The following TIAM1 variants were observed in gnomAD, a reference collection of about 807,000 sequenced individuals.
The protein encoded by TIAM1 is TIAM Rac1 associated GEF 1, also known as rho guanine nucleotide exchange factor TIAM1.
Under a neutral mutation model 163.5 loss-of-function variants are expected in TIAM1, and 65 were observed. The observed-to-expected ratio is 0.40, with a 90% CI of 0.33 to 0.49. The LOEUF (loss-of-function observed/expected upper bound fraction) is 0.49. Among genes scored for constraint, TIAM1 ranks in the 20% least tolerant of loss-of-function variants. The probability of loss-of-function intolerance (pLI) is 0.77; values close to 1 mark genes in which losing one functional copy is unlikely to be tolerated. For synonymous variants in TIAM1, 833 were observed against 810.1 expected (o/e 1.03, Z -0.48); for missense variants, 1,789 against 2,044.7 (o/e 0.87, Z 2.41).
At chr21:31,143,452 T>TTA (rs61145317) in intron 20 of TIAM1, among the ~76,000 whole-genome samples, 58,948 of 149,096 alleles carry the variant, frequency 0.4, 11,873 homozygotes, top group East Asian at 0.61. Context: ...TATATAATTT[T>TTA]TATATATATA....
At chr21:31,390,025 A>G (rs2076941901) in intron 2 of TIAM1, among the ~76,000 whole-genome samples, 1 of 152,204 alleles carries the variant, frequency 6.6e-6, no homozygotes, top group South Asian at 2.1e-4. Flanking sequence ...TTTTAAAGAT[A>G]TATTTTTAAA....
chr21:31,204,939 C>T (rs966523836), intron 11 of TIAM1, among the ~76,000 whole-genome samples: 3 of 152,186 alleles, frequency 2.0e-5, no homozygotes, highest in African/African-American at 7.2e-5. Context: ...TGCCATTCAC[C>T]GAACATGTCC....
intron 12 of TIAM1, among the ~76,000 whole-genome samples, chr21:31,197,539 C>CTTTTTTT (rs58141765): frequency 7.3e-5 from 9 of 123,252 alleles, no homozygotes; most frequent in East Asian, 5.4e-4. Flanking sequence ...CCGCGCCCGG[C>CTTTTTTT]TTTTTTTTTT....
intron 1 of TIAM1, among the ~76,000 whole-genome samples, chr21:31,472,330 C>T (rs766489804): frequency 3.9e-5 from 6 of 152,014 alleles, no homozygotes; most frequent in South Asian, 2.1e-4. Flanking sequence ...AGTTTGAGAC[C>T]GGCCTGGCCA....
chr21:31,156,939 T>C (rs2083654200), intron 16 of TIAM1, among the ~76,000 whole-genome samples: 2 of 152,250 alleles, frequency 1.3e-5, no homozygotes, highest in Non-Finnish European at 2.9e-5. Context: ...TGTCTGTTTT[T>C]CACAGAATTA....
At chr21:31,538,622 G>T (rs2048217243) in intron 1 of TIAM1, among the ~76,000 whole-genome samples, 1 of 152,164 alleles carries the variant, frequency 6.6e-6, no homozygotes, top group South Asian at 2.1e-4. Flanking sequence ...ACAGAATGCT[G>T]TCATCATTCA....
chr21:31,214,488 C>T (rs1237101969), intron 9 of TIAM1, among the ~76,000 whole-genome samples: 1 of 152,068 alleles, frequency 6.6e-6, no homozygotes, highest in Non-Finnish European at 1.5e-5. Context: ...AATCTGCTTG[C>T]TTTGTAATAC....
rs528190194 is a variant in TIAM1 at position 31,516,922 on chromosome 21, C to T, written c.-422+42005G>A. Reference sequence around the variant, plus strand: ...AAAATTAGCTGGGCGTGGTGGCGGGCGCCTGTAGTCCACCTACTTGGGAGG... The same window carrying T: ...AAAATTAGCTGGGCGTGGTGGCGGGTGCCTGTAGTCCACCTACTTGGGAGG... On this transcript the variant is annotated intron_variant, in intron 1 of 28. Transcript: ENST00000286827. Among the ~76,000 whole-genome samples, 11 of 150,950 alleles carry T rather than the reference C, an allele frequency of 7.3e-5. No individual in the cohort carries two copies. In the South Asian group the frequency reaches 2.1e-3, roughly 29 times the overall value.
chr21:31,493,575 G>C (rs1039139648), intron 1 of TIAM1, among the ~76,000 whole-genome samples: 1 of 152,156 alleles, frequency 6.6e-6, no homozygotes, highest in African/African-American at 2.4e-5. Context: ...TGGAGTGCAG[G>C]GTATGTATAG....
chr21:31,130,262 T>C lies in TIAM1; in HGVS notation c.3996A>G (p.Arg1332=). The C allele has an allele frequency of 6.2e-7, 1 of 1,614,094 alleles. No individual in the cohort carries two copies. Among genetic ancestry groups the C allele is most frequent in the Non-Finnish European group, 8.5e-7 (1 of 1,180,006 alleles). Residue 1332 remains arginine, a synonymous_variant, in exon 25 of 28, where the codon CGA becomes CGG. Transcript: ENST00000541036. The stretch of plus-strand genomic sequence containing the variant: ...GCAGCGCTTCCGTGGGGATCATGTG[T>C]CGAAATCTGAAGGGGTCCCAGTCCT... ...IYEDWDPFRF[R]HMIPTEALQV... is the part of the protein sequence containing the mutation.
chr21:31,278,247 T>C (rs2073392405), intron 2 of TIAM1, among the ~76,000 whole-genome samples: 1 of 152,164 alleles, frequency 6.6e-6, no homozygotes, highest in Non-Finnish European at 1.5e-5. Context: ...AAACATCAAA[T>C]TCAGAGAAAA....
rs866639703 is a variant in TIAM1, at chr21:31,213,280, G to A, written c.2217+118C>T. On this transcript the variant is annotated intron_variant, in intron 10 of 27. Transcript: ENST00000541036. ...ACTTATTACATAACTTTTAAAAACT[G>A]ATTTCAGTTTTTAATATTGAGTTTA... is the stretch of plus-strand genomic sequence containing the variant. 5.9e-6 allele frequency: 5 copies of A among 842,818 alleles called. 1 individual carries two copies. The highest frequency in any genetic ancestry group is 1.9e-5 in the South Asian group (1 of 51,744). 52.2% of individuals were successfully genotyped at this position (842,818 alleles called of 1,614,324 possible).
chr21:31,282,715 G>T (rs1020271966), intron 2 of TIAM1, among the ~76,000 whole-genome samples: 1 of 152,212 alleles, frequency 6.6e-6, no homozygotes, highest in Non-Finnish European at 1.5e-5. Flanking sequence ...CCGAACAGAT[G>T]AATGAGCCAT....
chr21:31,531,229 T>C (rs917812611), intron 1 of TIAM1, among the ~76,000 whole-genome samples: 7 of 152,164 alleles, frequency 4.6e-5, no homozygotes, highest in Admixed American at 4.6e-4. Flanking sequence ...ACTGAGCCCG[T>C]GGGTACTCCA....
chr21:31,270,380 G>A (rs1167842164), intron 3 of TIAM1, among the ~76,000 whole-genome samples: 1 of 152,090 alleles, frequency 6.6e-6, no homozygotes, highest in East Asian at 1.9e-4. Flanking sequence ...TTGAAAAGGT[G>A]GATGCCAGAA....
chr21:31,255,944 T>A (rs573224456), intron 4 of TIAM1, among the ~76,000 whole-genome samples: 1 of 152,232 alleles, frequency 6.6e-6, no homozygotes, highest in Non-Finnish European at 1.5e-5. Context: ...CCAGTTGCCA[T>A]TCCACTGGCA....
chr21:31,244,380 A>G (rs1239002950), intron 6 of TIAM1, among the ~76,000 whole-genome samples: 1 of 152,168 alleles, frequency 6.6e-6, no homozygotes, highest in Non-Finnish European at 1.5e-5. Context: ...TTACCACATT[A>G]TAAAGATTTG....
chr21:31,162,473 A>G (rs1306256614), intron 16 of TIAM1, among the ~76,000 whole-genome samples: 1 of 152,232 alleles, frequency 6.6e-6, no homozygotes, highest in Non-Finnish European at 1.5e-5. Context: ...AATTTCAAAT[A>G]GAGAAGATGA....
At chr21:31,353,643 G>A (rs984724486) in intron 2 of TIAM1, among the ~76,000 whole-genome samples, 4 of 151,940 alleles carry the variant, frequency 2.6e-5, no homozygotes, top group South Asian at 2.1e-4. Context: ...ACTGAGGCAC[G>A]GAGAGGTTAA....
Sources: gnomAD v4.1 joint callset for allele counts (sites outside exome capture counted in the v4.1 genomes callset) on GRCh38, gnomAD v4.1.1 for gene constraint, MANE v1.5 for transcripts, NCBI Gene and HGNC (gene_info 2026-07-23, HGNC 2026-07-21) for gene names.